The following TTBK1 variants were observed in gnomAD, a reference collection of about 807,000 sequenced individuals.
TTBK1 encodes the protein tau tubulin kinase 1, also known as tau-tubulin kinase 1.
A neutral mutation model predicts 108.5 loss-of-function variants in TTBK1; 34 were observed. That is an observed-to-expected ratio of 0.31 (90% CI 0.24 to 0.42). The LOEUF (loss-of-function observed/expected upper bound fraction) is 0.42, where lower values mean the gene tolerates loss of function less well. TTBK1 is among the 10% of genes least tolerant of loss of function. The pLI is 1.00. For missense variants in TTBK1, 1,539 were observed against 1,826.0 expected, an observed-to-expected ratio of 0.84 and a Z score of 2.86; for synonymous variants, 809 against 795.1, an observed-to-expected ratio of 1.02 and a Z score of -0.29.
chr6:43,285,701 A>C lies in TTBK1; in HGVS notation c.*325A>C. 3 of 205,548 alleles carry C rather than the reference A, an allele frequency of 1.5e-5. No homozygotes were observed. Among genetic ancestry groups the C allele is most frequent in the Non-Finnish European group, 9.7e-6 (1 of 103,094 alleles). The allele number at this position is 205,548 out of a possible 1,614,324, so 12.7% of individuals were successfully genotyped here. A position where few individuals can be genotyped will look rare whatever the true frequency, so the allele number is the denominator to read the frequency against. ...CCCGGGGAAGGCTCAGCCACTTTTC[A>C]TCGAGGACTCCACTTCTGGGGACGC... is the stretch of plus-strand genomic sequence containing the variant. On this transcript the variant is annotated 3_prime_UTR_variant, in exon 15 of 15. Coordinates refer to ENST00000259750, the MANE Select transcript of TTBK1 (RefSeq NM_032538.3). The surrounding 1 kb of genome is among the most constrained non-coding windows in gnomAD (Gnocchi z 4.7).
At chr6:43,255,693 A>G (rs748751431) in intron 8 of TTBK1, 38 bp from the exon 9 acceptor site, 2 of 1,614,132 alleles carry the variant, frequency 1.2e-6, no homozygotes, top group African/African-American at 1.3e-5. Context: ...GTGTCAGGGC[A>G]GCTGGGACTC....
At position 43,259,018 on chromosome 6, in the gene TTBK1, C is replaced by G. The variant is rs1777451594; in HGVS notation, c.1017-20C>G. On this transcript the variant is annotated intron_variant, in intron 10 of 14. Coordinates refer to ENST00000259750, the MANE Select transcript of TTBK1 (RefSeq NM_032538.3). This position sits in a 1 kb window ranked among gnomAD's most constrained non-coding sequence, Gnocchi z 6.7. ...GCACCCCTGCCAGCCTTGCCCATGG[C>G]TCCCTCCTGCCCTCTCCAGGGTGGT... is the stretch of plus-strand genomic sequence containing the variant. 6.3e-7 allele frequency: 1 copy of G among 1,588,220 alleles called. No individual in the cohort carries two copies. Among genetic ancestry groups the G allele is most frequent in the Admixed American group, 1.7e-5 (1 of 57,550 alleles).
At chr6:43,256,710 G>T (rs140200249) in intron 9 of TTBK1, among the ~76,000 whole-genome samples, 3,980 of 152,184 alleles carry the variant, frequency 0.026, 204 homozygotes, top group African/African-American at 0.091. Flanking sequence ...CAGCACTCCC[G>T]CCTGGGTGAC....
intron 2 of TTBK1, among the ~76,000 whole-genome samples, chr6:43,252,479 T>G (rs1396402594): frequency 1.3e-5 from 2 of 151,466 alleles, no homozygotes; most frequent in African/African-American, 4.9e-5. Context: ...TACAAAAAAT[T>G]AGGAGGGCAT....
intron 13 of TTBK1, chr6:43,271,937 G>A: frequency 1.0e-6 from 1 of 980,536 alleles, no homozygotes; most frequent in African/African-American, 1.8e-5. Context: ...TTGCCCTCTG[G>A]GCTGTTTTGG....
intron 13 of TTBK1, chr6:43,271,377 C>T: frequency 1.0e-6 from 1 of 985,402 alleles, no homozygotes; most frequent in African/African-American, 1.7e-5. Flanking sequence ...GTGCCATTTA[C>T]ATAGACCTCA....
Position 43,284,255 on chromosome 6 carries a change from A to G in TTBK1, c.3515A>G (p.Gln1172Arg). 1 of 1,593,532 alleles carries G rather than the reference A, an allele frequency of 6.3e-7. No individual in the cohort carries two copies. Among genetic ancestry groups the G allele is most frequent in the Non-Finnish European group, 8.5e-7 (1 of 1,176,184 alleles). Residue 1172 changes from glutamine to arginine, a missense_variant, in exon 14 of 15, where the codon CAG becomes CGG. Transcript: ENST00000259750. ...LRMPMPVAAQ[Q>R]PASRSHGAAP... ...ATGCCCATGCCTGTTGCAGCCCAGC[A>G]GCCCGCCAGCAGATCCCATGGCGCG...
In TTBK1 at chr6:43,285,206, G is replaced by GCCCGGCCCGGGGTCCC; in HGVS notation, c.3801_3816dup (p.Pro1273AlafsTer17). The GCCCGGCCCGGGGTCCC allele has an allele frequency of 7.5e-7, 1 of 1,326,450 alleles. No homozygotes were observed. The highest frequency in any genetic ancestry group is 9.6e-7 in the Non-Finnish European group (1 of 1,042,962). The allele number at this position is 1,326,450 out of a possible 1,614,324, so 82.2% of individuals were successfully genotyped here. On this transcript the variant is annotated frameshift_variant, in exon 15 of 15. Coordinates refer to ENST00000259750, the MANE Select transcript of TTBK1 (RefSeq NM_032538.3). LOFTEE classifies it high-confidence loss of function. The surrounding 1 kb of genome is among the most constrained non-coding windows in gnomAD (Gnocchi z 4.7). Reference sequence around the variant, plus strand: ...AGAGAGCCCCTCCCCCTCGCACCAGGCCCGGCCCGGGGTCCCCCCGCCCCG... The same window carrying GCCCGGCCCGGGGTCCC: ...AGAGAGCCCCTCCCCCTCGCACCAGGCCCGGCCCGGGGTCCCCCCGGCCCGGGGTCCCCCCGCCCCG...
Position 43,257,422 on chromosome 6 carries a change from G to C in TTBK1, c.862-390G>C, listed in dbSNP as rs1367083768. ...GAGAAGGGAAGCTGCAGAGAGGAGA[G>C]GATGAGTGGGAGGGGCGCCCCAGCA... On this transcript the variant is annotated intron_variant, in intron 9 of 14. Coordinates refer to ENST00000259750, the MANE Select transcript of TTBK1 (RefSeq NM_032538.3). The surrounding 1 kb of genome is among the most constrained non-coding windows in gnomAD (Gnocchi z 4.5). Among the ~76,000 whole-genome samples, 1 of 152,194 alleles carries C rather than the reference G, an allele frequency of 6.6e-6. No homozygotes were observed. The highest frequency in any genetic ancestry group is 6.5e-5 in the Admixed American group (1 of 15,292).
At chr6:43,258,598 T>TAA (rs144458994) in intron 10 of TTBK1, among the ~76,000 whole-genome samples, 65 of 150,658 alleles carry the variant, frequency 4.3e-4, no homozygotes, top group African/African-American at 1.4e-3. Context: ...GAAGATTAAA[T>TAA]AAAAAAAAAA....
rs1777659783 is a variant in TTBK1 at position 43,265,745 on chromosome 6, G to A, written c.1986+2395G>A. On this transcript the variant is annotated intron_variant, in intron 13 of 14. Coordinates refer to ENST00000259750, the MANE Select transcript of TTBK1 (RefSeq NM_032538.3). This position sits in a 1 kb window ranked among gnomAD's most constrained non-coding sequence, Gnocchi z 4.1. ...AGGAAGTGCAGAGTCTAGGGAGGGT[G>A]ACAGACAGTGTCAAGAGAGAGCCGA... is the stretch of plus-strand genomic sequence containing the variant. Among the ~76,000 whole-genome samples, 1 of 152,184 alleles carries A rather than the reference G, an allele frequency of 6.6e-6. No homozygotes were observed. The highest frequency in any genetic ancestry group is 2.4e-5 in the African/African-American group (1 of 41,438).
intron 13 of TTBK1, among the ~76,000 whole-genome samples, chr6:43,275,678 C>T (rs971066800): frequency 1.3e-4 from 20 of 151,948 alleles, no homozygotes; most frequent in South Asian, 8.3e-4. Flanking sequence ...GCCCAGGTCT[C>T]TCAGAGCAAC....
At chr6:43,255,197 G>GGGGGGGGGGGGGGGGC in intron 7 of TTBK1, 83 bp downstream of exon 7, 1 of 638,348 alleles carries the variant, frequency 1.6e-6, no homozygotes, top group Non-Finnish European at 2.9e-6. Flanking sequence ...GAGGGGTGGG[G>GGGGGGGGGGGGGGGGC]AGAGGAGAGT....
Position 43,282,105 on chromosome 6 carries a change from G to A in TTBK1, c.1987-622G>A, listed in dbSNP as rs1169211057. ...GATGGATTGGAGGTCGAGGGGCCCAGCCTGCACTTTTAAGGGTAGAGGACA... is the reference window on the plus strand; with the variant it reads ...GATGGATTGGAGGTCGAGGGGCCCAACCTGCACTTTTAAGGGTAGAGGACA... On this transcript the variant is annotated intron_variant, in intron 13 of 14. Coordinates refer to ENST00000259750, the MANE Select transcript of TTBK1 (RefSeq NM_032538.3). This position sits in a 1 kb window ranked among gnomAD's most constrained non-coding sequence, Gnocchi z 5.4. Among the ~76,000 whole-genome samples, 1 of 152,352 alleles carries A rather than the reference G, an allele frequency of 6.6e-6. No individual in the cohort carries two copies. Among genetic ancestry groups the A allele is most frequent in the Admixed American group, 6.5e-5 (1 of 15,304 alleles).
rs544538590 is a variant in TTBK1, at chr6:43,280,304, T to C, written c.1987-2423T>C. Among the ~76,000 whole-genome samples, 19 of 152,246 alleles carry C rather than the reference T, an allele frequency of 1.2e-4. No individual in the cohort carries two copies. In the South Asian group the frequency reaches 3.5e-3, roughly 28 times the overall value. On this transcript the variant is annotated intron_variant, in intron 13 of 14. Coordinates refer to ENST00000259750, the MANE Select transcript of TTBK1 (RefSeq NM_032538.3). ...AGAGCCCCCTCCTTTCCCCACACGC[T>C]ATTCCCCATAGGTGTGGCATCCAGG...
At chr6:43,254,514 GCC>G in intron 5 of TTBK1, 31 bp from the exon 6 acceptor site, 1 of 1,502,254 alleles carries the variant, frequency 6.7e-7, no homozygotes, top group Non-Finnish European at 8.9e-7. Flanking sequence ...TGGGGTTGGG[GCC>G]CCCAGAGCTC....
chr6:43,255,790 G>A lies in TTBK1; in HGVS notation c.795G>A (p.Pro265=), dbSNP rs376062414. The A allele has an allele frequency of 1.5e-5, 24 of 1,614,012 alleles. No homozygotes were observed. The East Asian group carries it at 2.5e-4, about 16-fold the overall frequency. The change falls in exon 9 of 15, where the codon CCG becomes CCA. Residue 265 remains proline (P), a synonymous_variant. Transcript: ENST00000259750. ...ACCGGATGCTGCTGAAGCACATGCCGTCAGAGTTCCACCTCTTCCTGGACC... is the reference window on the plus strand; with the variant it reads ...ACCGGATGCTGCTGAAGCACATGCCATCAGAGTTCCACCTCTTCCTGGACC... ...YEHRMLLKHM[P]SEFHLFLDHI...
At chr6:43,258,147 G>A (rs1302067690) in intron 10 of TTBK1, among the ~76,000 whole-genome samples, 181 bp downstream of exon 10, 1 of 152,158 alleles carries the variant, frequency 6.6e-6, no homozygotes, top group Non-Finnish European at 1.5e-5. Context: ...AGCATAGAGT[G>A]GGCATCTTCC....
At position 43,270,095 on chromosome 6, in the gene TTBK1, T is replaced by C; in HGVS notation, c.1986+6745T>C. 3 of 1,402,016 alleles carry C rather than the reference T, an allele frequency of 2.1e-6. No individual in the cohort carries two copies. In the African/African-American group the frequency reaches 4.5e-5, roughly 21 times the overall value. 86.8% of individuals were successfully genotyped at this position (1,402,016 alleles called of 1,614,324 possible). A position where few individuals can be genotyped will look rare whatever the true frequency, so the allele number is the denominator to read the frequency against. The stretch of plus-strand genomic sequence containing the variant: ...ATGCAATACAGCCCCCCTAGAACGT[T>C]GGCCCAAGGTACTGTAATACTCCCA... On this transcript the variant is annotated intron_variant, in intron 13 of 14. Coordinates refer to ENST00000259750, the MANE Select transcript of TTBK1 (RefSeq NM_032538.3).
Sources: gnomAD v4.1 joint callset for allele counts (sites outside exome capture counted in the v4.1 genomes callset) on GRCh38, gnomAD v4.1.1 for gene constraint, Gnocchi (gnomAD v3.1) non-coding constraint, MANE v1.5 for transcripts, NCBI Gene and HGNC (gene_info 2026-07-23, HGNC 2026-07-21) for gene names.